Variants in FRAS1 observed in about 807,000 individuals in gnomAD.
FRAS1 encodes the protein Fraser extracellular matrix complex subunit 1, also known as extracellular matrix organizing protein FRAS1.
In FRAS1, 290 loss-of-function variants were observed where a neutral mutation model predicts 435.2. That is an observed-to-expected ratio of 0.67 (90% CI 0.61 to 0.73). The LOEUF is 0.73. Among genes scored for constraint, FRAS1 ranks in the 30% least tolerant of loss-of-function variants. The probability of loss-of-function intolerance (pLI) is 0.00; values close to 1 mark genes in which losing one functional copy is unlikely to be tolerated. For missense variants in FRAS1, 4,860 were observed against 5,001.5 expected, an observed-to-expected ratio of 0.97 and a Z score of 0.85; for synonymous variants, 1,800 against 1,851.0, an observed-to-expected ratio of 0.97 and a Z score of 0.71.
At chr4:78,273,311 C>G (rs1314916578) in intron 9 of FRAS1, among the ~76,000 whole-genome samples, 3 of 152,152 alleles carry the variant, frequency 2.0e-5, no homozygotes, top group African/African-American at 4.8e-5. Flanking sequence ...TTATTTCTTT[C>G]TCCTGCATGA....
chr4:78,120,291 A>T (rs1718935951), intron 2 of FRAS1, among the ~76,000 whole-genome samples: 1 of 152,246 alleles, frequency 6.6e-6, no homozygotes, highest in African/African-American at 2.4e-5. Flanking sequence ...GAATCGTGGC[A>T]GCAGGGCAAG....
chr4:78,507,348 T>C, intron 61 of FRAS1, 73 bp from the exon 62 acceptor site: 1 of 1,302,316 alleles, frequency 7.7e-7, no homozygotes, highest in Non-Finnish European at 1.1e-6. Flanking sequence ...GTCTCAGCAG[T>C]GCCAAGCTGC....
chr4:78,418,384 G>C (rs550697684), intron 32 of FRAS1, among the ~76,000 whole-genome samples: 1 of 152,222 alleles, frequency 6.6e-6, no homozygotes, highest in East Asian at 1.9e-4. Context: ...TGGGGACCTG[G>C]GGGACAATGC....
intron 20 of FRAS1, among the ~76,000 whole-genome samples, chr4:78,341,378 C>T (rs960945871): frequency 3.3e-5 from 5 of 152,086 alleles, no homozygotes; most frequent in African/African-American, 9.7e-5. Context: ...TGGGAAGTGT[C>T]GCGACTGCAT....
intron 20 of FRAS1, among the ~76,000 whole-genome samples, chr4:78,339,685 C>T (rs905253933): frequency 6.6e-6 from 1 of 152,198 alleles, no homozygotes; most frequent in African/African-American, 2.4e-5. Context: ...GGGTGACAAA[C>T]ATGGTTGGTA....
At chr4:78,413,171 A>G (rs1733417135) in intron 32 of FRAS1, 86 bp downstream of exon 32, 5 of 735,426 alleles carry the variant, frequency 6.8e-6, no homozygotes, top group Non-Finnish European at 8.9e-6. Context: ...CTGGTTTTGT[A>G]TATAGTAAGT....
chr4:78,374,228 A>T lies in FRAS1; in HGVS notation c.3128A>T (p.Asp1043Val), dbSNP rs886059632. 23 of 1,599,924 alleles carry T rather than the reference A, an allele frequency of 1.4e-5. No homozygotes were observed. The highest frequency in any genetic ancestry group is 1.8e-5 in the Non-Finnish European group (21 of 1,170,208). ...GAATGTGGGAAGGGGTACTTTGCAG[A>T]TCATGCAAAGCACAAATGCACAGGT... ...VQECGKGYFA[D>V]HAKHKCTACP... The change falls in exon 25 of 74, where the codon GAT becomes GTT. Residue 1043 changes from aspartate (D) to valine (V), a missense_variant. By Grantham distance (152) the Asp-to-Val change is radical (BLOSUM62 -3). Coordinates refer to ENST00000512123, the MANE Select transcript of FRAS1 (RefSeq NM_025074.7).
intron 32 of FRAS1, among the ~76,000 whole-genome samples, chr4:78,417,380 G>A (rs758726941): frequency 6.6e-6 from 1 of 152,114 alleles, no homozygotes; most frequent in East Asian, 1.9e-4. Context: ...ATATTAAAAG[G>A]TAGCAAACAG....
intron 47 of FRAS1, among the ~76,000 whole-genome samples, chr4:78,463,121 G>A (rs571342666): frequency 1.3e-5 from 2 of 152,110 alleles, no homozygotes; most frequent in Non-Finnish European, 2.9e-5. Flanking sequence ...TGTCATTTTC[G>A]TTTCAGTCTT....
intron 15 of FRAS1, among the ~76,000 whole-genome samples, chr4:78,308,671 A>G (rs777475794): frequency 6.6e-6 from 1 of 152,198 alleles, no homozygotes; most frequent in Non-Finnish European, 1.5e-5. Flanking sequence ...TATCCATTCT[A>G]CCTTAACACC....
At chr4:78,347,562 T>TC (rs1301751839) in intron 20 of FRAS1, among the ~76,000 whole-genome samples, 1 of 152,172 alleles carries the variant, frequency 6.6e-6, no homozygotes, top group African/African-American at 2.4e-5. Context: ...CTGGTTCTCT[T>TC]CCCCACGCCA....
At chr4:78,172,813 T>C (rs1721614622) in intron 2 of FRAS1, among the ~76,000 whole-genome samples, 2 of 152,036 alleles carry the variant, frequency 1.3e-5, no homozygotes, top group African/African-American at 4.8e-5. Context: ...CATTAGTCTA[T>C]TGAGAGTCTT....
At chr4:78,401,478 C>T (rs1222664550) in intron 30 of FRAS1, among the ~76,000 whole-genome samples, 1 of 152,174 alleles carries the variant, frequency 6.6e-6, no homozygotes. Flanking sequence ...ACAAAGAGGA[C>T]ACTGAAGGCC....
At chr4:78,129,256 A>G (rs907546504) in intron 2 of FRAS1, among the ~76,000 whole-genome samples, 1 of 152,174 alleles carries the variant, frequency 6.6e-6, no homozygotes, top group Non-Finnish European at 1.5e-5. Flanking sequence ...TTGGTTCCAT[A>G]TGAACTTTAA....
chr4:78,475,124 T>C (rs1719817695), intron 53 of FRAS1, among the ~76,000 whole-genome samples: 1 of 152,186 alleles, frequency 6.6e-6, no homozygotes, highest in Non-Finnish European at 1.5e-5. Context: ...AGAGATTGTT[T>C]TTCCTTTCTC....
chr4:78,490,870 GTT>G (rs56896691), intron 59 of FRAS1, among the ~76,000 whole-genome samples: 10 of 150,972 alleles, frequency 6.6e-5, no homozygotes, highest in East Asian at 1.9e-4. Context: ...CCAGGAGCTG[GTT>G]TTTTTTTTAA....
In FRAS1 at chr4:78,406,486, G is replaced by A. The variant is rs565514092; in HGVS notation, c.4130-1177G>A. On this transcript the variant is annotated intron_variant, in intron 30 of 73. Transcript: ENST00000512123. ...GAGAAAATGAGGAAGAGGCAAAAGC[G>A]GAAACCCCTGATAAACCCATCAGAT... 3.9e-4 allele frequency among the ~76,000 whole-genome samples: 59 copies of A among 152,196 alleles called. 2 individuals carry two copies. In the South Asian group the frequency reaches 0.011, roughly 28 times the overall value.
chr4:78,203,641 A>G (rs546121223), intron 2 of FRAS1, among the ~76,000 whole-genome samples: 1 of 151,992 alleles, frequency 6.6e-6, no homozygotes, highest in Non-Finnish European at 1.5e-5. Flanking sequence ...ATCTCAGCTC[A>G]CTGCAACCTC....
In FRAS1 at chr4:78,542,060, G is replaced by A. The variant is rs962090846; in HGVS notation, c.*936G>A. The A allele has an allele frequency of 1.3e-5, 2 of 152,178 alleles. No homozygotes were observed. The highest frequency in any genetic ancestry group is 4.8e-5 in the African/African-American group (2 of 41,428). The allele number at this position is 152,178 out of a possible 1,614,324, so 9.4% of individuals were successfully genotyped here. On this transcript the variant is annotated 3_prime_UTR_variant, in exon 74 of 74. Coordinates refer to ENST00000512123, the MANE Select transcript of FRAS1 (RefSeq NM_025074.7). ...TGTAACAGACAATCCCATGTCCTAG[G>A]TATGGTTTTTTATTCTGTTAGTGCT...
Sources: allele counts gnomAD v4.1 joint callset (sites outside exome capture counted in the v4.1 genomes callset), GRCh38; gene constraint gnomAD v4.1.1; transcripts MANE v1.5; gene names NCBI Gene and HGNC (gene_info 2026-07-23, HGNC 2026-07-21).